Variants in RPTOR observed in about 807,000 individuals in gnomAD.
RPTOR encodes regulatory-associated protein of mTOR.
In RPTOR, 21 loss-of-function variants were observed where a neutral mutation model predicts 169.9. The observed-to-expected ratio is 0.12, with a 90% CI of 0.09 to 0.18. The LOEUF (loss-of-function observed/expected upper bound fraction) is 0.18, where lower values mean the gene tolerates loss of function less well. Ranked by LOEUF, RPTOR falls within the 10% of genes least tolerant of loss-of-function variation. RPTOR has a pLI of 1.00. For synonymous variants in RPTOR, 732 were observed against 753.2 expected (o/e 0.97, Z 0.46); for missense variants, 1,133 against 1,855.9 (o/e 0.61, Z 7.16).
intron 21 of RPTOR, among the ~76,000 whole-genome samples, chr17:80,921,046 T>C (rs1484527084): frequency 6.6e-6 from 1 of 152,208 alleles, no homozygotes; most frequent in African/African-American, 2.4e-5. Context: ...GCTATTTGCG[T>C]TTTGAAGGAA....
chr17:80,759,965 T>G (rs922142846), intron 6 of RPTOR, among the ~76,000 whole-genome samples: 4 of 152,226 alleles, frequency 2.6e-5, no homozygotes, highest in African/African-American at 9.7e-5. Context: ...TACGATTTCA[T>G]ATCCTTAACC....
chr17:80,833,123 G>A (rs2067524973), intron 9 of RPTOR, among the ~76,000 whole-genome samples: 1 of 151,940 alleles, frequency 6.6e-6, no homozygotes. Flanking sequence ...GGCGCGCTCT[G>A]ACTGATCAGC....
intron 3 of RPTOR, among the ~76,000 whole-genome samples, chr17:80,700,680 A>T (rs375008442): frequency 0.011 from 116 of 10,592 alleles, no homozygotes; most frequent in Middle Eastern, 0.11. Context: ...GTGATGATGG[A>T]GGTGGTGGTG....
At chr17:80,584,656 G>T (rs1452979402) in intron 1 of RPTOR, among the ~76,000 whole-genome samples, 1 of 152,150 alleles carries the variant, frequency 6.6e-6, no homozygotes, top group Admixed American at 6.5e-5. Flanking sequence ...ACTTCTTTGG[G>T]GCTTCCCCTT....
intron 3 of RPTOR, among the ~76,000 whole-genome samples, chr17:80,703,130 C>G (rs2066115328): frequency 6.6e-6 from 1 of 152,130 alleles, no homozygotes; most frequent in Non-Finnish European, 1.5e-5. Flanking sequence ...TGCCTTTGTT[C>G]TTCACCACTA....
At position 80,760,234 on chromosome 17, in the gene RPTOR, C is replaced by T. The variant is rs935282214; in HGVS notation, c.830+6049C>T. ...CAGTCCCAAGTCTGCTGTTGCAGCACGAAAGAGCCACAGGCAATATATAAA... is the reference window on the plus strand; with the variant it reads ...CAGTCCCAAGTCTGCTGTTGCAGCATGAAAGAGCCACAGGCAATATATAAA... On this transcript the variant is annotated intron_variant, in intron 6 of 33. Transcript: ENST00000306801. 1.3e-4 allele frequency among the ~76,000 whole-genome samples: 20 copies of T among 150,920 alleles called. No individual in the cohort carries two copies. The East Asian group carries it at 2.1e-3, about 16-fold the overall frequency.
chr17:80,718,834 C>G (rs1484176383), intron 4 of RPTOR, among the ~76,000 whole-genome samples: 1 of 152,132 alleles, frequency 6.6e-6, no homozygotes, highest in Non-Finnish European at 1.5e-5. Context: ...GGGATGTGGG[C>G]TTAGATAAAT....
intron 3 of RPTOR, among the ~76,000 whole-genome samples, chr17:80,680,426 G>C (rs2065890025): frequency 6.6e-6 from 1 of 152,178 alleles, no homozygotes; most frequent in Non-Finnish European, 1.5e-5. Context: ...ATGAGGCCAG[G>C]AGTTCAAGAC....
At chr17:80,952,607 T>C (rs1328053390) in intron 28 of RPTOR, among the ~76,000 whole-genome samples, 1 of 152,172 alleles carries the variant, frequency 6.6e-6, no homozygotes, top group African/African-American at 2.4e-5. Context: ...TTGGAGGCTG[T>C]TTCTTGTTTT....
chr17:80,549,184 T>G (rs2084315274), intron 1 of RPTOR, among the ~76,000 whole-genome samples: 1 of 152,216 alleles, frequency 6.6e-6, no homozygotes, highest in South Asian at 2.1e-4. Context: ...TACTGTTACT[T>G]TAAAATTATT....
rs71892521 is a variant in RPTOR, at chr17:80,777,547, G to GTTT, written c.831-13894_831-13892dup. Among the ~76,000 whole-genome samples the GTTT allele has an allele frequency of 3.4e-5, 5 of 145,838 alleles. No individual in the cohort carries two copies. The South Asian group carries it at 8.7e-4, about 25-fold the overall frequency. On this transcript the variant is annotated intron_variant, in intron 6 of 33. Transcript: ENST00000306801. The stretch of plus-strand genomic sequence containing the variant: ...TTTTATGGGCTTATTGGCCTTTGTT[G>GTTT]TTTTTTTTTTTGAGATGGAGTCCTT...
In RPTOR at chr17:80,923,476, T is replaced by C. The variant is rs774224884; in HGVS notation, c.2625-14T>C. The C allele has an allele frequency of 6.2e-7, 1 of 1,613,626 alleles. No individual in the cohort carries two copies. Among genetic ancestry groups the C allele is most frequent in the Non-Finnish European group, 8.5e-7 (1 of 1,179,968 alleles). On this transcript the variant is annotated splice_polypyrimidine_tract_variant and intron_variant, in intron 22 of 33. Transcript: ENST00000306801. The stretch of plus-strand genomic sequence containing the variant: ...CTGCAGAGGATGCAGTGTTTGTTTT[T>C]CTTCCAATGGCAGGGGCTCCCCTCC...
rs2067713091 is a variant in RPTOR at position 80,845,076 on chromosome 17, T to G, written c.1213-1397T>G. 6.6e-6 allele frequency among the ~76,000 whole-genome samples: 1 copy of G among 151,556 alleles called. No homozygotes were observed. The highest frequency in any genetic ancestry group is 6.6e-5 in the Admixed American group (1 of 15,256). On this transcript the variant is annotated intron_variant, in intron 10 of 33. Transcript: ENST00000306801. This position sits in a 1 kb window ranked among gnomAD's most constrained non-coding sequence, Gnocchi z 5.4. Reference sequence around the variant, plus strand: ...CTCCGTGGAGGGAATCAGGCCGGACTGCTCCTGCCTGGCCGCTCAGTTCCG... The same window carrying G: ...CTCCGTGGAGGGAATCAGGCCGGACGGCTCCTGCCTGGCCGCTCAGTTCCG...
chr17:80,749,356 A>G (rs1165985234), intron 5 of RPTOR, among the ~76,000 whole-genome samples: 22 of 29,748 alleles, frequency 7.4e-4, no homozygotes, highest in African/African-American at 8.6e-4. Flanking sequence ...TGGCGGGAGG[A>G]CCTGTTGGAT....
In RPTOR at chr17:80,746,044, C is replaced by T. The variant is rs915209850; in HGVS notation, c.655-7966C>T. Among the ~76,000 whole-genome samples, 2 of 152,134 alleles carry T rather than the reference C, an allele frequency of 1.3e-5. No individual in the cohort carries two copies. Among genetic ancestry groups the T allele is most frequent in the South Asian group, 2.1e-4 (1 of 4,826 alleles). ...AGACGTGGTGGCGCATACCTGTAATCCCAGCTACTTGAGAGGCTGAGGCGG... is the reference window on the plus strand; with the variant it reads ...AGACGTGGTGGCGCATACCTGTAATTCCAGCTACTTGAGAGGCTGAGGCGG... On this transcript the variant is annotated intron_variant, in intron 5 of 33. Coordinates refer to ENST00000306801, the MANE Select transcript of RPTOR (RefSeq NM_020761.3). This position sits in a 1 kb window ranked among gnomAD's most constrained non-coding sequence, Gnocchi z 4.5.
At chr17:80,550,972 C>T (rs2084336742) in intron 1 of RPTOR, among the ~76,000 whole-genome samples, 1 of 152,166 alleles carries the variant, frequency 6.6e-6, no homozygotes, top group Non-Finnish European at 1.5e-5. Context: ...ACTGCAACCT[C>T]CACCTCCCGA....
chr17:80,891,827 A>G lies in RPTOR; in HGVS notation c.2091A>G (p.Pro697=). ...AAAAGAACTACGCCTTGCCTTCTCC[A>G]GCAACCACAGGTATGGCGTCTTCTC... ...EEEKNYALPS[P]ATTEGGSLTP... Residue 697 remains proline (P), a synonymous_variant, in exon 18 of 34, where the codon CCA becomes CCG. Transcript: ENST00000306801. 1 of 1,611,748 alleles carries G rather than the reference A, an allele frequency of 6.2e-7. No homozygotes were observed. Among genetic ancestry groups the G allele is most frequent in the Non-Finnish European group, 8.5e-7 (1 of 1,178,016 alleles).
At chr17:80,884,100 G>A in intron 16 of RPTOR, 128 bp downstream of exon 16, 1 of 894,538 alleles carries the variant, frequency 1.1e-6, no homozygotes, top group Non-Finnish European at 1.7e-6. Flanking sequence ...ACGCTAATAA[G>A]AGTAGGACAG....
Position 80,545,669 on chromosome 17 carries a change from G to A in RPTOR, c.40G>A (p.Gly14Arg), listed in dbSNP as rs753480688. ...GCTGCAATCGCCTCTTCTGGGCCTG[G>A]GGGAGGAAGATGAGGCTGATCTTAC... ...EMLQSPLLGL[G>R]EEDEADLTDW... Residue 14 changes from glycine (G) to arginine (R), a missense_variant, in exon 1 of 34, where the codon GGG becomes AGG. By Grantham distance (125) the Gly-to-Arg change is moderately radical. Transcript: ENST00000306801. 1.2e-6 allele frequency: 2 copies of A among 1,613,610 alleles called. No homozygotes were observed. Among genetic ancestry groups the A allele is most frequent in the South Asian group, 1.1e-5 (1 of 91,042 alleles).
Sources: allele counts gnomAD v4.1 joint callset (sites outside exome capture counted in the v4.1 genomes callset), GRCh38; gene constraint gnomAD v4.1.1; non-coding constraint Gnocchi (gnomAD v3.1); transcripts MANE v1.5; gene names NCBI Gene and HGNC (gene_info 2026-07-23, HGNC 2026-07-21).